Variants in SCTR observed in about 807,000 individuals in gnomAD.
The protein encoded by SCTR is secretin receptor.
A neutral mutation model predicts 60.8 loss-of-function variants in SCTR; 56 were observed. The observed-to-expected ratio is 0.92, with a 90% confidence interval of 0.74 to 1.15. SCTR has a LOEUF of 1.15. SCTR is among the 50% of genes most tolerant of loss of function. SCTR has a pLI of 0.00. For synonymous variants in SCTR, 202 were observed against 217.0 expected (o/e 0.93, Z 0.61); for missense variants, 562 against 550.4 (o/e 1.02, Z -0.21).
chr2:119,507,599 G>C (rs903419341), intron 1 of SCTR, among the ~76,000 whole-genome samples: 1 of 150,140 alleles, frequency 6.7e-6, no homozygotes, highest in African/African-American at 2.4e-5. Flanking sequence ...TGAACTAAGA[G>C]CCAAATTTGC....
intron 9 of SCTR, among the ~76,000 whole-genome samples, chr2:119,450,068 G>GAAA (rs1195823556): frequency 3.5e-5 from 5 of 141,022 alleles, no homozygotes; most frequent in Admixed American, 1.4e-4. Flanking sequence ...GAAAAAGAAA[G>GAAA]AAAGAAAGAA....
In SCTR at chr2:119,444,151, T is replaced by TTA. The variant is rs147516656; in HGVS notation, c.1141-2554_1141-2553dup. 7.9e-4 allele frequency among the ~76,000 whole-genome samples: 110 copies of TTA among 139,592 alleles called. No homozygotes were observed. The Middle Eastern group carries it at 0.012, about 15-fold the overall frequency. 91.6% of individuals were successfully genotyped at this position (139,592 alleles called of 152,430 possible). On this transcript the variant is annotated intron_variant, in intron 11 of 12. Transcript: ENST00000019103. ...TATATAAGAATATATATACATATTC[T>TTA]TATATATATATACACATATGTATAT...
chr2:119,479,102 C>T (rs1008014556), intron 2 of SCTR, 184 bp from the exon 3 acceptor site: 31 of 1,424,600 alleles, frequency 2.2e-5, no homozygotes, highest in Admixed American at 2.9e-5. Context: ...TTGGACTCTG[C>T]CATGTACACG....
chr2:119,524,011 T>C, intron 1 of SCTR, 144 bp downstream of exon 1: 2 of 659,816 alleles, frequency 3.0e-6, no homozygotes, highest in Non-Finnish European at 5.4e-6. Flanking sequence ...GAGATTAATG[T>C]TGGGAGGATT....
At chr2:119,490,206 G>C (rs913553384) in intron 2 of SCTR, among the ~76,000 whole-genome samples, 3 of 152,230 alleles carry the variant, frequency 2.0e-5, no homozygotes, top group Non-Finnish European at 4.4e-5. Flanking sequence ...AGTGCAGTCA[G>C]GTAGAGGGAA....
At chr2:119,507,747 T>G (rs1209189986) in intron 1 of SCTR, among the ~76,000 whole-genome samples, 1 of 149,568 alleles carries the variant, frequency 6.7e-6, no homozygotes, top group African/African-American at 2.5e-5. Flanking sequence ...GGCACGATCT[T>G]GGCTCACTGC....
chr2:119,477,408 A>G (rs1677375683), intron 3 of SCTR, among the ~76,000 whole-genome samples: 1 of 152,122 alleles, frequency 6.6e-6, no homozygotes, highest in Admixed American at 6.6e-5. Flanking sequence ...CCTGCTAATC[A>G]GGAATACCTG....
chr2:119,501,578 T>C (rs533828241), intron 1 of SCTR, among the ~76,000 whole-genome samples: 14 of 152,254 alleles, frequency 9.2e-5, no homozygotes, highest in African/African-American at 2.9e-4. Flanking sequence ...AGGGAGATGA[T>C]AGTTAGCAAT....
chr2:119,524,449 C>A lies in SCTR; in HGVS notation c.-223G>T. ...GCCCGCCCCATTGATCAGGACGCGG[C>A]TTTGCCGGCGCGCCTCCTCCACCCG... On this transcript the variant is annotated 5_prime_UTR_variant, in exon 1 of 13. Coordinates refer to ENST00000019103, the MANE Select transcript of SCTR (RefSeq NM_002980.3). 1 of 366,662 alleles carries A rather than the reference C, an allele frequency of 2.7e-6. No individual in the cohort carries two copies. The highest frequency in any genetic ancestry group is 4.8e-6 in the Non-Finnish European group (1 of 206,404). The allele number at this position is 366,662 out of a possible 1,614,324, so 22.7% of individuals were successfully genotyped here.
chr2:119,518,368 G>GTGTCTCACATGA (rs1330823604), intron 1 of SCTR, among the ~76,000 whole-genome samples: 4,301 of 152,218 alleles, frequency 0.028, 197 homozygotes, highest in African/African-American at 0.095. Flanking sequence ...GGAGGCGGGA[G>GTGTCTCACATGA]GTGAGAAATT....
chr2:119,464,933 G>A (rs1683768892), intron 5 of SCTR, among the ~76,000 whole-genome samples: 4 of 152,172 alleles, frequency 2.6e-5, no homozygotes, highest in Admixed American at 2.6e-4. Context: ...ATGACCTTGA[G>A]CAAGACTTTT....
At chr2:119,473,419 C>G in intron 4 of SCTR, 34 bp downstream of exon 4, 2 of 1,481,478 alleles carry the variant, frequency 1.3e-6, no homozygotes, top group South Asian at 2.3e-5. Flanking sequence ...GGTTCCTGTC[C>G]CCGGGTTCGT....
rs1339359218 is a variant in SCTR, at chr2:119,444,503, ACG to A, written c.1140+2254_1140+2255del. Among the ~76,000 whole-genome samples, 4 of 90,888 alleles carry A rather than the reference ACG, an allele frequency of 4.4e-5. 1 individual carries two copies. Among genetic ancestry groups the A allele is most frequent in the Admixed American group, 1.0e-4 (1 of 9,932 alleles). 59.6% of individuals were successfully genotyped at this position (90,888 alleles called of 152,430 possible). ...CGTATATATATACACATATATACGTACGTATATATATACACATATATACGTAC... is the reference window on the plus strand; with the variant it reads ...CGTATATATATACACATATATACGTATATATATATACACATATATACGTAC... On this transcript the variant is annotated intron_variant, in intron 11 of 12. Coordinates refer to ENST00000019103, the MANE Select transcript of SCTR (RefSeq NM_002980.3).
intron 6 of SCTR, 28 bp from the exon 7 acceptor site, chr2:119,462,028 G>C: frequency 6.3e-7 from 1 of 1,578,668 alleles, no homozygotes; most frequent in Non-Finnish European, 8.6e-7. Flanking sequence ...GCTGAACCCA[G>C]GCCGGGTGGC....
chr2:119,497,596 A>AAAGG lies in SCTR; in HGVS notation c.73-3052_73-3049dup, dbSNP rs540455397. Among the ~76,000 whole-genome samples, 463 of 151,310 alleles carry AAAGG rather than the reference A, an allele frequency of 3.1e-3. 1 individual carries two copies. Among genetic ancestry groups the AAAGG allele is most frequent in the African/African-American group, 0.011 (435 of 40,674 alleles). ...TACAAACATCAGCAAAAAGGAAAGG[A>AAAGG]AAGGAAGGAAGGAAGGAAGGCAGGA... On this transcript the variant is annotated intron_variant, in intron 1 of 12. Transcript: ENST00000019103.
chr2:119,451,982 C>T (rs1285352468), intron 9 of SCTR, 28 bp downstream of exon 9: 3 of 1,450,178 alleles, frequency 2.1e-6, no homozygotes, highest in Middle Eastern at 1.7e-4. Flanking sequence ...CCCACTGATC[C>T]CCAGCTAGGG....
chr2:119,469,269 C>G (rs1419210250), intron 4 of SCTR, among the ~76,000 whole-genome samples: 1 of 152,134 alleles, frequency 6.6e-6, no homozygotes, highest in South Asian at 2.1e-4. Flanking sequence ...CCTGGGGATA[C>G]CTGGACCAGC....
chr2:119,491,356 C>G (rs1164575543), intron 2 of SCTR, among the ~76,000 whole-genome samples: 1 of 152,184 alleles, frequency 6.6e-6, no homozygotes, highest in Non-Finnish European at 1.5e-5. Context: ...GCCCAGCAAC[C>G]ACCAGTCAGG....
chr2:119,458,966 T>A (rs1683491391), intron 7 of SCTR, among the ~76,000 whole-genome samples: 1 of 152,202 alleles, frequency 6.6e-6, no homozygotes, highest in Non-Finnish European at 1.5e-5. Flanking sequence ...GCCTGCGCTG[T>A]CACTATTTTC....
Sources: allele counts gnomAD v4.1 joint callset (sites outside exome capture counted in the v4.1 genomes callset), GRCh38; gene constraint gnomAD v4.1.1; transcripts MANE v1.5; gene names NCBI Gene and HGNC (gene_info 2026-07-23, HGNC 2026-07-21).